The following BANK1 variants were observed in gnomAD, a reference collection of about 807,000 sequenced individuals.
The protein encoded by BANK1 is B cell scaffold protein with ankyrin repeats 1.
A neutral mutation model predicts 94.5 loss-of-function variants in BANK1; 95 were observed. That is an observed-to-expected ratio of 1.00 (90% CI 0.85 to 1.19). The LOEUF (loss-of-function observed/expected upper bound fraction) is 1.19. Among genes scored for constraint, BANK1 ranks in the 50% most tolerant of loss-of-function variants. BANK1 has a pLI of 0.00. For missense variants in BANK1, 987 were observed against 932.2 expected (o/e 1.06, Z -0.77); for synonymous variants, 334 against 308.4 (o/e 1.08, Z -0.87).
At chr4:101,977,360 A>T (rs1447138598) in intron 7 of BANK1, among the ~76,000 whole-genome samples, 3 of 152,214 alleles carry the variant, frequency 2.0e-5, no homozygotes, top group Non-Finnish European at 4.4e-5. Context: ...AGAGAAGTGT[A>T]GTCCAACTTT....
chr4:101,792,276 C>G (rs867747844), intron 1 of BANK1, among the ~76,000 whole-genome samples: 2 of 146,712 alleles, frequency 1.4e-5, no homozygotes, highest in Middle Eastern at 3.5e-3. Flanking sequence ...CCCGCCCCTC[C>G]CAACTCCTTG....
Position 102,043,827 on chromosome 4 carries a change from T to C in BANK1, c.1901-12T>C, listed in dbSNP as rs1172655298. 12 of 1,578,050 alleles carry C rather than the reference T, an allele frequency of 7.6e-6. No individual in the cohort carries two copies. The highest frequency in any genetic ancestry group is 9.6e-6 in the Non-Finnish European group (11 of 1,151,010). ...TATGTTCAGTAAATAATATGTTCTA[T>C]ACTTTTTACAGTGTTTCAACAAAAG... On this transcript the variant is annotated splice_polypyrimidine_tract_variant and intron_variant, in intron 10 of 16. Coordinates refer to ENST00000322953, the MANE Select transcript of BANK1 (RefSeq NM_017935.5).
intron 2 of BANK1, among the ~76,000 whole-genome samples, chr4:101,846,748 G>A (rs1467748449): frequency 1.3e-5 from 2 of 152,096 alleles, no homozygotes; most frequent in East Asian, 1.9e-4. Context: ...AACCACCCCC[G>A]TGATCTAGTC....
chr4:101,846,404 T>A (rs1433168074), intron 2 of BANK1, among the ~76,000 whole-genome samples: 1 of 152,204 alleles, frequency 6.6e-6, no homozygotes, highest in Non-Finnish European at 1.5e-5. Flanking sequence ...GACTGCTGTA[T>A]GCATGGATAA....
At chr4:101,936,961 A>G (rs1723587582) in intron 7 of BANK1, among the ~76,000 whole-genome samples, 1 of 151,634 alleles carries the variant, frequency 6.6e-6, no homozygotes, top group Admixed American at 6.6e-5. Flanking sequence ...TGGATCCCAA[A>G]AGAAAGGAAA....
At chr4:101,990,748 A>G (rs567772894) in intron 7 of BANK1, among the ~76,000 whole-genome samples, 4 of 152,292 alleles carry the variant, frequency 2.6e-5, no homozygotes, top group East Asian at 3.9e-4. Context: ...AGAATGCAAT[A>G]TATTTTGAAA....
intron 7 of BANK1, among the ~76,000 whole-genome samples, chr4:101,988,114 G>A (rs1381698736): frequency 1.3e-5 from 2 of 152,196 alleles, no homozygotes; most frequent in African/African-American, 4.8e-5. Context: ...TACCAAAACC[G>A]AGCTGTTTCT....
At chr4:102,012,887 T>G (rs1369674612) in intron 7 of BANK1, among the ~76,000 whole-genome samples, 1 of 152,164 alleles carries the variant, frequency 6.6e-6, no homozygotes, top group Non-Finnish European at 1.5e-5. Context: ...TCCTGTTCAC[T>G]AACTTCAATC....
chr4:102,054,292 C>T (rs184120144), intron 11 of BANK1, among the ~76,000 whole-genome samples: 1 of 152,082 alleles, frequency 6.6e-6, no homozygotes, highest in Non-Finnish European at 1.5e-5. Flanking sequence ...TTCACGTAAT[C>T]GTATTAACAA....
intron 7 of BANK1, among the ~76,000 whole-genome samples, chr4:101,967,306 A>G (rs1724798186): frequency 6.6e-6 from 1 of 152,066 alleles, no homozygotes; most frequent in Non-Finnish European, 1.5e-5. Context: ...ACAGTCCAAG[A>G]AAATTGCAAA....
intron 7 of BANK1, among the ~76,000 whole-genome samples, chr4:101,954,250 ACT>A (rs1724265035): frequency 6.6e-6 from 1 of 151,494 alleles, no homozygotes; most frequent in Non-Finnish European, 1.5e-5. Context: ...ATCTGCAAAG[ACT>A]CTATCTTCAA....
intron 4 of BANK1, among the ~76,000 whole-genome samples, chr4:101,865,452 A>C (rs1183077380): frequency 6.6e-6 from 1 of 152,130 alleles, no homozygotes; most frequent in Non-Finnish European, 1.5e-5. Flanking sequence ...GAAAGAGCCC[A>C]TGGAACCTCT....
rs569351874 is a variant in BANK1 at position 101,841,473 on chromosome 4, A to G, written c.469+11267A>G. Among the ~76,000 whole-genome samples, 49 of 152,296 alleles carry G rather than the reference A, an allele frequency of 3.2e-4. 1 individual carries two copies. In the South Asian group the frequency reaches 4.6e-3, roughly 14 times the overall value. On this transcript the variant is annotated intron_variant, in intron 2 of 16. Transcript: ENST00000322953. ...ATCTGAAATGATAGGCCAAGATTTC[A>G]TATGGCCCAGAGATGATATATTGAC...
rs924812721 is a variant in BANK1, at chr4:101,829,755, T to C, written c.71-53T>C. 4.1e-6 allele frequency: 5 copies of C among 1,233,494 alleles called. No individual in the cohort carries two copies. The Admixed American group carries it at 1.5e-4, about 36-fold the overall frequency. 76.4% of individuals were successfully genotyped at this position (1,233,494 alleles called of 1,614,324 possible). On this transcript the variant is annotated intron_variant, in intron 1 of 16. Transcript: ENST00000322953. ...TATTAAAATTTTTGAGAAATAATAATTTAACCTGCTGATAGCATTGCAAAT... is the reference window on the plus strand; with the variant it reads ...TATTAAAATTTTTGAGAAATAATAACTTAACCTGCTGATAGCATTGCAAAT...
At chr4:101,809,119 T>A (rs968706276) in intron 1 of BANK1, among the ~76,000 whole-genome samples, 1 of 152,008 alleles carries the variant, frequency 6.6e-6, no homozygotes, top group Non-Finnish European at 1.5e-5. Context: ...AATCAATGAG[T>A]GGGTAAAGAA....
At chr4:102,066,789 T>G (rs1398377467) in intron 13 of BANK1, among the ~76,000 whole-genome samples, 1 of 152,148 alleles carries the variant, frequency 6.6e-6, no homozygotes, top group Non-Finnish European at 1.5e-5. Flanking sequence ...ACAAAGCAGG[T>G]AGATATAAAA....
chr4:101,919,235 A>G (rs1423143522), intron 7 of BANK1, among the ~76,000 whole-genome samples: 1 of 151,854 alleles, frequency 6.6e-6, no homozygotes, highest in East Asian at 1.9e-4. Flanking sequence ...TTAACTCTAT[A>G]CAACTCTAGT....
At chr4:101,845,760 C>G (rs2148869799) in intron 2 of BANK1, among the ~76,000 whole-genome samples, 1 of 152,310 alleles carries the variant, frequency 6.6e-6, no homozygotes, top group East Asian at 1.9e-4. Flanking sequence ...GCAATCCTAA[C>G]TGAAACATCA....
At chr4:102,044,928 A>G (rs1227098198) in intron 11 of BANK1, among the ~76,000 whole-genome samples, 18 of 135,050 alleles carry the variant, frequency 1.3e-4, no homozygotes, top group Non-Finnish European at 1.9e-4. Flanking sequence ...GATTCTGGAT[A>G]TTAGCCCTTT....
Sources: gnomAD v4.1 joint callset for allele counts (sites outside exome capture counted in the v4.1 genomes callset) on GRCh38, gnomAD v4.1.1 for gene constraint, MANE v1.5 for transcripts, NCBI Gene and HGNC (gene_info 2026-07-23, HGNC 2026-07-21) for gene names.